The following CASR variants were observed in gnomAD, a reference collection of about 807,000 sequenced individuals.
The protein encoded by CASR is extracellular calcium-sensing receptor.
Under a neutral mutation model 69.1 loss-of-function variants are expected in CASR, and 23 were observed. That is an observed-to-expected ratio of 0.33 (90% confidence interval 0.24 to 0.47). CASR has a LOEUF of 0.47. CASR is among the 20% of genes least tolerant of loss of function. The pLI is 1.00. For synonymous variants in CASR, 541 were observed against 544.7 expected, an observed-to-expected ratio of 0.99 and a Z score of 0.10; for missense variants, 924 against 1,356.1, an observed-to-expected ratio of 0.68 and a Z score of 5.00.
chr3:122,228,332 ATCAGCATAT>A (rs1421967668), intron 1 of CASR, among the ~76,000 whole-genome samples: 1 of 152,252 alleles, frequency 6.6e-6, no homozygotes, highest in African/African-American at 2.4e-5. Flanking sequence ...TATTTAAATT[ATCAGCATAT>A]AATGAGCATT....
At chr3:122,219,609 GA>G (rs2074151236) in intron 1 of CASR, among the ~76,000 whole-genome samples, 1 of 152,230 alleles carries the variant, frequency 6.6e-6, no homozygotes, top group Admixed American at 6.5e-5. Context: ...CCTGGGGCTA[GA>G]AGTGGTAACC....
chr3:122,226,348 T>G (rs1479440081), intron 1 of CASR, among the ~76,000 whole-genome samples: 3 of 152,168 alleles, frequency 2.0e-5, no homozygotes, highest in African/African-American at 7.2e-5. Context: ...CCCGGTGGGT[T>G]CATGGTCTTG....
chr3:122,214,541 C>G (rs2074098039), intron 1 of CASR, among the ~76,000 whole-genome samples: 1 of 152,212 alleles, frequency 6.6e-6, no homozygotes, highest in African/African-American at 2.4e-5. Flanking sequence ...CAGAAGCAGG[C>G]AGATCACTGA....
chr3:122,254,597 T>C (rs545923248), intron 2 of CASR, among the ~76,000 whole-genome samples: 1 of 152,172 alleles, frequency 6.6e-6, no homozygotes, highest in African/African-American at 2.4e-5. Flanking sequence ...AATCCATGCA[T>C]GGCCTGTTAA....
intron 3 of CASR, among the ~76,000 whole-genome samples, chr3:122,258,645 G>A (rs565536728): frequency 2.4e-4 from 37 of 152,274 alleles, no homozygotes; most frequent in African/African-American, 7.5e-4. Context: ...GGGGAGGGGC[G>A]TGTTAATTCT....
chr3:122,268,939 G>C (rs373922573), intron 4 of CASR, among the ~76,000 whole-genome samples: 2 of 152,272 alleles, frequency 1.3e-5, no homozygotes, highest in East Asian at 3.9e-4. Context: ...TTACATGAAG[G>C]AAAGCATGTT....
intron 1 of CASR, among the ~76,000 whole-genome samples, chr3:122,204,365 A>G (rs1453279949): frequency 1.3e-5 from 2 of 152,168 alleles, no homozygotes; most frequent in East Asian, 1.9e-4. Flanking sequence ...TTTACTTACT[A>G]TAATGATCTC....
chr3:122,202,957 G>A (rs1242931191), intron 1 of CASR, among the ~76,000 whole-genome samples: 1 of 152,030 alleles, frequency 6.6e-6, no homozygotes, highest in Non-Finnish European at 1.5e-5. Flanking sequence ...AATTATCAAG[G>A]TCCCGGGTAT....
chr3:122,207,156 T>C (rs1183012560), intron 1 of CASR, among the ~76,000 whole-genome samples: 1 of 152,016 alleles, frequency 6.6e-6, no homozygotes, highest in Non-Finnish European at 1.5e-5. Context: ...TTAGCAAATA[T>C]TAATAGCTCT....
chr3:122,279,666 G>C (rs1287789666), intron 5 of CASR, among the ~76,000 whole-genome samples: 8 of 151,946 alleles, frequency 5.3e-5, no homozygotes, highest in South Asian at 4.2e-4. Context: ...ACACCTCTCA[G>C]GTTAAAAACA....
intron 1 of CASR, chr3:122,246,846 G>C (rs1236407752): frequency 6.6e-6 from 1 of 152,158 alleles, no homozygotes. Flanking sequence ...ATGGGGAAAG[G>C]CTCAGTGTAC....
chr3:122,254,172 T>C lies in CASR; in HGVS notation c.-18T>C, dbSNP rs766308258. ...CTCCTAGCTGTCTCATCCCTTGCCCTGGAGAGACGGCAGAACCATGGCATT... is the reference window on the plus strand; with the variant it reads ...CTCCTAGCTGTCTCATCCCTTGCCCCGGAGAGACGGCAGAACCATGGCATT... On this transcript the variant is annotated 5_prime_UTR_variant, in exon 2 of 7. Coordinates refer to ENST00000639785, the MANE Select transcript of CASR (RefSeq NM_000388.4). 3 of 1,612,224 alleles carry C rather than the reference T, an allele frequency of 1.9e-6. No individual in the cohort carries two copies. The highest frequency in any genetic ancestry group is 2.5e-6 in the Non-Finnish European group (3 of 1,179,892).
chr3:122,244,054 C>A (rs2074404051), intron 1 of CASR, among the ~76,000 whole-genome samples: 1 of 151,852 alleles, frequency 6.6e-6, no homozygotes. Flanking sequence ...GGGGAGGAAG[C>A]AGGGGTGGTT....
At chr3:122,213,777 A>G (rs9814686) in intron 1 of CASR, among the ~76,000 whole-genome samples, 110,201 of 152,046 alleles carry the variant, frequency 0.72, 40,194 homozygotes, top group Admixed American at 0.82. Context: ...ACTGAAATCA[A>G]CATCGTTTCA....
In CASR at chr3:122,240,131, A is replaced by G. The variant is rs552155548; in HGVS notation, c.-242-13817A>G. Among the ~76,000 whole-genome samples the G allele has an allele frequency of 2.6e-5, 4 of 152,338 alleles. No individual in the cohort carries two copies. The East Asian group carries it at 7.7e-4, about 29-fold the overall frequency. On this transcript the variant is annotated intron_variant, in intron 1 of 6. Transcript: ENST00000639785. Reference sequence around the variant, plus strand: ...AAAGTCAAGGATAAAAAAGGATACTAAAAGAGCAACAGGAAAGAAGCATAT... The same window carrying G: ...AAAGTCAAGGATAAAAAAGGATACTGAAAGAGCAACAGGAAAGAAGCATAT...
chr3:122,235,738 TGA>T (rs1254353856), intron 1 of CASR, among the ~76,000 whole-genome samples: 3 of 152,146 alleles, frequency 2.0e-5, no homozygotes, highest in African/African-American at 7.2e-5. Context: ...TAGACTGCGG[TGA>T]GCTATGATCA....
rs565626081 is a variant in CASR, at chr3:122,207,461, A to G, written c.-243+23649A>G. On this transcript the variant is annotated intron_variant, in intron 1 of 6. Coordinates refer to ENST00000639785, the MANE Select transcript of CASR (RefSeq NM_000388.4). ...ACACATTTTTTAAAAAATAGAAATT[A>G]TATCAAGTATCTTTTCTGACTACTA... Among the ~76,000 whole-genome samples the G allele has an allele frequency of 2.5e-4, 38 of 152,308 alleles. No individual in the cohort carries two copies. The South Asian group carries it at 6.4e-3, about 26-fold the overall frequency.
chr3:122,255,233 A>G (rs751417665), intron 2 of CASR, among the ~76,000 whole-genome samples: 6 of 152,096 alleles, frequency 3.9e-5, no homozygotes, highest in Admixed American at 2.6e-4. Context: ...TCTGCAGAAT[A>G]TGGTTGGGAC....
chr3:122,278,718 T>C (rs2074851632), intron 5 of CASR, among the ~76,000 whole-genome samples: 1 of 152,196 alleles, frequency 6.6e-6, no homozygotes, highest in African/African-American at 2.4e-5. Flanking sequence ...CTTCTAAGCC[T>C]TGACTGGTAT....
Sources: allele counts gnomAD v4.1 joint callset (sites outside exome capture counted in the v4.1 genomes callset), GRCh38; gene constraint gnomAD v4.1.1; transcripts MANE v1.5; gene names NCBI Gene and HGNC (gene_info 2026-07-23, HGNC 2026-07-21).